The following GPM6B variants were observed in gnomAD, a reference collection of about 807,000 sequenced individuals.
The protein encoded by GPM6B is glycoprotein M6B.
A neutral mutation model predicts 27.2 loss-of-function variants in GPM6B; 4 were observed. The ratio of observed to expected loss-of-function variants is 0.15; its 90% CI spans 0.07 to 0.34. The LOEUF (loss-of-function observed/expected upper bound fraction) is 0.34, where lower values mean the gene tolerates loss of function less well. Ranked by LOEUF, GPM6B falls within the 10% of genes least tolerant of loss-of-function variation. The probability of loss-of-function intolerance (pLI) is 1.00; values close to 1 mark genes in which losing one functional copy is unlikely to be tolerated. For synonymous variants in GPM6B, 124 were observed against 103.1 expected, an observed-to-expected ratio of 1.20 and a Z score of -1.23; for missense variants, 183 against 261.9, an observed-to-expected ratio of 0.70 and a Z score of 2.08.
intron 1 of GPM6B, among the ~76,000 whole-genome samples, chrX:13,897,747 T>C (rs1286113153): frequency 9.0e-6 from 1 of 111,525 alleles, no homozygotes; most frequent in Non-Finnish European, 1.9e-5. Context: ...GTTCCAAAAA[T>C]GTCCAGATGG....
intron 1 of GPM6B, among the ~76,000 whole-genome samples, chrX:13,845,376 T>A (rs1397650617): frequency 8.9e-6 from 1 of 111,824 alleles, no homozygotes. Context: ...ATTTGCCAAT[T>A]TCCATCTCAC....
rs758574674 is a variant in GPM6B, at chrX:13,920,523, A to G, written c.-198+17804T>C. On this transcript the variant is annotated intron_variant, in intron 1 of 6. Transcript: ENST00000398361. Reference sequence around the variant, plus strand: ...GGATTGGGAAAGCCAGGGAAACACGATACGTAAACCAGCCATTGTACTATT... The same window carrying G: ...GGATTGGGAAAGCCAGGGAAACACGGTACGTAAACCAGCCATTGTACTATT... Among the ~76,000 whole-genome samples, 24 of 111,050 alleles carry G rather than the reference A, an allele frequency of 2.2e-4. No homozygotes were observed. In the Admixed American group the frequency reaches 2.3e-3, roughly 11 times the overall value.
chrX:13,838,663 G>GC (rs2049535073), intron 1 of GPM6B, among the ~76,000 whole-genome samples: 1 of 112,062 alleles, frequency 8.9e-6, no homozygotes, highest in South Asian at 3.7e-4. Context: ...GCTGAGCTAG[G>GC]CTCTGGAAGG....
intron 1 of GPM6B, among the ~76,000 whole-genome samples, chrX:13,831,176 G>GCA (rs2049434026): frequency 1.7e-5 from 1 of 59,169 alleles, no homozygotes; most frequent in African/African-American, 8.8e-5. Context: ...GAAGAGCTCA[G>GCA]TACACACACA....
intron 1 of GPM6B, among the ~76,000 whole-genome samples, chrX:13,916,074 T>C (rs1224366787): frequency 8.9e-6 from 1 of 111,840 alleles, no homozygotes; most frequent in South Asian, 3.7e-4. Flanking sequence ...TCAGGAGGTA[T>C]ACAGCAGGAA....
chrX:13,795,887 G>T, intron 2 of GPM6B, among the ~76,000 whole-genome samples: 1 of 109,257 alleles, frequency 9.2e-6, no homozygotes, highest in Non-Finnish European at 1.9e-5. Context: ...CAAATAGCTG[G>T]AATTAAGGCA....
intron 2 of GPM6B, among the ~76,000 whole-genome samples, chrX:13,790,434 C>A (rs1333295897): frequency 1.8e-5 from 2 of 112,073 alleles, no homozygotes; most frequent in Non-Finnish European, 3.8e-5. Flanking sequence ...TTGGAAGTGA[C>A]CCCAGACTGA....
chrX:13,775,611 C>T (rs1288945370), intron 7 of GPM6B, among the ~76,000 whole-genome samples: 1 of 111,928 alleles, frequency 8.9e-6, no homozygotes, highest in African/African-American at 3.3e-5. Context: ...AGGGATAGAG[C>T]TATTGGCCAT....
intron 1 of GPM6B, among the ~76,000 whole-genome samples, chrX:13,927,448 T>C (rs948443579): frequency 3.5e-5 from 4 of 112,733 alleles, no homozygotes; most frequent in Non-Finnish European, 5.6e-5. Flanking sequence ...CAAAGTATTA[T>C]TGTCTAAGTC....
At chrX:13,884,978 C>A (rs4830512) in intron 1 of GPM6B, among the ~76,000 whole-genome samples, 19,822 of 111,053 alleles carry the variant, frequency 0.18, 1,724 homozygotes, top group East Asian at 0.63. Flanking sequence ...AAACGAAAAA[C>A]CCAGAAAAAG....
chrX:13,778,059 T>C (rs2048447398), intron 5 of GPM6B, among the ~76,000 whole-genome samples: 1 of 108,911 alleles, frequency 9.2e-6, no homozygotes, highest in African/African-American at 3.4e-5. Flanking sequence ...GGTTTGTTTT[T>C]TTTTTTTTTT....
At chrX:13,867,749 C>A (rs2049934645) in intron 1 of GPM6B, among the ~76,000 whole-genome samples, 1 of 111,651 alleles carries the variant, frequency 9.0e-6, no homozygotes, top group African/African-American at 3.3e-5. Flanking sequence ...TGGGAACAAA[C>A]GGTTGTATCC....
chrX:13,935,349 A>C (rs1231817155), intron 1 of GPM6B, among the ~76,000 whole-genome samples: 1 of 104,440 alleles, frequency 9.6e-6, no homozygotes, highest in Non-Finnish European at 1.9e-5. Context: ...AAAAAAAAAA[A>C]AAAAAAAACT....
upstream of GPM6B, among the ~76,000 whole-genome samples, chrX:13,821,930 T>A (rs1033128108): frequency 1.8e-5 from 2 of 112,180 alleles, no homozygotes; most frequent in African/African-American, 6.5e-5. Flanking sequence ...ACTATGACTG[T>A]TCAGCTGACC....
intron 1 of GPM6B, among the ~76,000 whole-genome samples, chrX:13,926,955 A>G (rs1001047468): frequency 8.9e-6 from 1 of 112,012 alleles, no homozygotes; most frequent in Non-Finnish European, 1.9e-5. Flanking sequence ...AAGATTTAGT[A>G]CAACAAAAGA....
chrX:13,833,142 G>A (rs2049456754), intron 1 of GPM6B, among the ~76,000 whole-genome samples: 3 of 111,332 alleles, frequency 2.7e-5, no homozygotes, highest in South Asian at 3.8e-4. Flanking sequence ...TGTGTATGAC[G>A]CTGACATTCA....
intron 1 of GPM6B, among the ~76,000 whole-genome samples, chrX:13,932,761 G>C (rs185182917): frequency 3.6e-5 from 4 of 111,820 alleles, no homozygotes; most frequent in African/African-American, 1.3e-4. Context: ...GAGTTTCAGG[G>C]AAACAAAGCC....
At chrX:13,809,645 T>C (rs1304222532) in intron 1 of GPM6B, among the ~76,000 whole-genome samples, 1 of 108,639 alleles carries the variant, frequency 9.2e-6, no homozygotes, top group East Asian at 2.8e-4. Context: ...AAAATAAAAA[T>C]TAAAAAATTG....
At chrX:13,847,304 A>C (rs1191582594) in intron 1 of GPM6B, among the ~76,000 whole-genome samples, 1 of 112,013 alleles carries the variant, frequency 8.9e-6, no homozygotes, top group Non-Finnish European at 1.9e-5. Flanking sequence ...AATTATTTAG[A>C]GACCAAATTT....
Sources: allele counts gnomAD v4.1 joint callset (sites outside exome capture counted in the v4.1 genomes callset), GRCh38; gene constraint gnomAD v4.1.1; transcripts MANE v1.5; gene names NCBI Gene and HGNC (gene_info 2026-07-23, HGNC 2026-07-21).